The following RGS7 variants were observed in gnomAD, a reference collection of about 807,000 sequenced individuals.
RGS7 encodes regulator of G protein signaling 7, also known as regulator of G-protein signaling 7.
RGS7 carries 27 observed loss-of-function variants against 81.1 expected under a neutral mutation model. That is an observed-to-expected ratio of 0.33 (90% CI 0.25 to 0.46). The LOEUF is 0.46. RGS7 is among the 20% of genes least tolerant of loss of function. The pLI, the probability that RGS7 is intolerant of heterozygous loss-of-function variation, is 1.00. For synonymous variants in RGS7, 208 were observed against 207.7 expected (o/e 1.00, Z -0.01); for missense variants, 396 against 607.4 (o/e 0.65, Z 3.66).
At position 241,293,989 on chromosome 1, in the gene RGS7, T is replaced by C. The variant is rs555469126; in HGVS notation, c.78+61710A>G. On this transcript the variant is annotated intron_variant, in intron 2 of 18. Transcript: ENST00000440928. ...CATTCTACTATAAAGACACATGCAC[T>C]TGTATGTTTATTGCAGCACTATTTA... is the stretch of plus-strand genomic sequence containing the variant. Among the ~76,000 whole-genome samples the C allele has an allele frequency of 3.9e-5, 6 of 152,328 alleles. No homozygotes were observed. In the East Asian group the frequency reaches 1.2e-3, roughly 29 times the overall value.
At chr1:240,802,179 T>C (rs928114188) in intron 16 of RGS7, among the ~76,000 whole-genome samples, 6 of 152,176 alleles carry the variant, frequency 3.9e-5, no homozygotes, top group Non-Finnish European at 8.8e-5. Context: ...AAATTATAAT[T>C]TAAACTCAGA....
intron 3 of RGS7, among the ~76,000 whole-genome samples, chr1:241,064,318 G>A (rs528343231): frequency 8.6e-5 from 13 of 151,724 alleles, no homozygotes; most frequent in Admixed American, 2.6e-4. Context: ...GGGTGTGGCA[G>A]CTCCCATCGG....
rs1034623433 is a variant in RGS7 at position 241,195,653 on chromosome 1, AC to A, written c.79-96892del. Among the ~76,000 whole-genome samples the A allele has an allele frequency of 7.2e-4, 109 of 152,266 alleles. 1 individual carries two copies. Among genetic ancestry groups the A allele is most frequent in the African/African-American group, 2.3e-3 (96 of 41,584 alleles). On this transcript the variant is annotated intron_variant, in intron 2 of 18. Coordinates refer to ENST00000440928, the MANE Select transcript of RGS7 (RefSeq NM_001364886.1). The stretch of plus-strand genomic sequence containing the variant: ...ATAAGGCAATACAATTCAGTGAAGA[AC>A]AAAAAATTATAAAAACAAAGAAAAT...
intron 3 of RGS7, among the ~76,000 whole-genome samples, chr1:241,067,679 C>A (rs56105345): frequency 6.6e-6 from 1 of 151,940 alleles, no homozygotes; most frequent in Non-Finnish European, 1.5e-5. Flanking sequence ...GCCACCCCAG[C>A]TAATTTTTTA....
Position 240,775,793 on chromosome 1 carries a change from T to C in RGS7, c.*427A>G, listed in dbSNP as rs1682847463. The C allele has an allele frequency of 3.9e-6, 1 of 256,024 alleles. No homozygotes were observed. The highest frequency in any genetic ancestry group is 2.2e-5 in the African/African-American group (1 of 45,616). The allele number at this position is 256,024 out of a possible 1,614,324, so 15.9% of individuals were successfully genotyped here. On this transcript the variant is annotated 3_prime_UTR_variant, in exon 19 of 19. Transcript: ENST00000440928. ...ATGTATACTTATTGATATATACTTT[T>C]TTCTTTTACAGTTCTTCCAGTTTTT...
intron 4 of RGS7, among the ~76,000 whole-genome samples, chr1:240,954,819 A>C (rs1265275141): frequency 3.3e-5 from 5 of 152,206 alleles, no homozygotes; most frequent in Non-Finnish European, 5.9e-5. Flanking sequence ...CTTTGTTTGC[A>C]GATGATTATA....
At chr1:241,350,061 C>T (rs925371932) in intron 2 of RGS7, among the ~76,000 whole-genome samples, 1 of 152,146 alleles carries the variant, frequency 6.6e-6, no homozygotes, top group Non-Finnish European at 1.5e-5. Flanking sequence ...AAAATTCAGG[C>T]CACAAATCCT....
chr1:240,854,423 AATAT>A (rs1321761251), intron 9 of RGS7, among the ~76,000 whole-genome samples: 1 of 152,210 alleles, frequency 6.6e-6, no homozygotes, highest in Non-Finnish European at 1.5e-5. Flanking sequence ...AATTGGCTGG[AATAT>A]GATGCTCTCA....
In RGS7 at chr1:240,854,327, T is replaced by C. The variant is rs150127852; in HGVS notation, c.609+14260A>G. ...CCCCTCTTGGTCATCTATTCCCAGT[T>C]TGCTTAATGTCATACAAATCTGTAA... is the stretch of plus-strand genomic sequence containing the variant. On this transcript the variant is annotated intron_variant, in intron 9 of 18. Coordinates refer to ENST00000440928, the MANE Select transcript of RGS7 (RefSeq NM_001364886.1). Among the ~76,000 whole-genome samples, 722 of 152,348 alleles carry C rather than the reference T, an allele frequency of 4.7e-3. 2 individuals carry two copies. The highest frequency in any genetic ancestry group is 6.1e-3 in the Non-Finnish European group (417 of 68,024).
At chr1:240,845,961 G>A (rs895757643) in intron 9 of RGS7, among the ~76,000 whole-genome samples, 21 of 152,246 alleles carry the variant, frequency 1.4e-4, no homozygotes, top group Admixed American at 5.9e-4. Flanking sequence ...TTGGAGCCCC[G>A]TGGAAAAGAA....
intron 3 of RGS7, among the ~76,000 whole-genome samples, chr1:241,084,944 T>G (rs1336064440): frequency 1.3e-5 from 2 of 152,248 alleles, no homozygotes; most frequent in African/African-American, 4.8e-5. Flanking sequence ...GGAAGTTCCA[T>G]CTTCAAACAC....
At chr1:241,000,794 C>T (rs539456673) in intron 3 of RGS7, among the ~76,000 whole-genome samples, 28 of 147,704 alleles carry the variant, frequency 1.9e-4, no homozygotes, top group South Asian at 4.4e-4. Context: ...ATTACAGGTG[C>T]GTGCCACCAC....
intron 18 of RGS7, among the ~76,000 whole-genome samples, chr1:240,787,894 T>C (rs1424660566): frequency 6.6e-6 from 1 of 152,218 alleles, no homozygotes; most frequent in Non-Finnish European, 1.5e-5. Context: ...TGACATTACA[T>C]GTTGCTCTGG....
At chr1:241,209,187 C>T (rs571871997) in intron 2 of RGS7, among the ~76,000 whole-genome samples, 2 of 152,350 alleles carry the variant, frequency 1.3e-5, no homozygotes, top group South Asian at 4.1e-4. Flanking sequence ...GCACTGTCCA[C>T]TCTGCCACTT....
intron 2 of RGS7, among the ~76,000 whole-genome samples, chr1:241,305,396 G>A (rs1295562915): frequency 1.3e-5 from 2 of 152,106 alleles, no homozygotes; most frequent in Admixed American, 6.6e-5. Flanking sequence ...TTGCTAATAA[G>A]CATGTCAGCT....
rs538464842 is a variant in RGS7, at chr1:240,998,784, A to G, written c.176-15655T>C. ...CAGGTAGATGCAGGCGAGCTGGGAG[A>G]CGAAGGCCATGGCACGGGTGAGTGT... On this transcript the variant is annotated intron_variant, in intron 3 of 18. Transcript: ENST00000440928. 9 of 680,584 alleles carry G rather than the reference A, an allele frequency of 1.3e-5. No homozygotes were observed. In the East Asian group the frequency reaches 3.0e-4, roughly 23 times the overall value. 42.2% of individuals were successfully genotyped at this position (680,584 alleles called of 1,614,324 possible).
intron 3 of RGS7, among the ~76,000 whole-genome samples, chr1:241,010,346 A>G (rs193045994): frequency 8.8e-4 from 134 of 152,324 alleles, no homozygotes; most frequent in Non-Finnish European, 1.6e-3. Flanking sequence ...GAATTTCTCT[A>G]TGGATTGACG....
Position 241,251,493 on chromosome 1 carries a change from T to G in RGS7, c.78+104206A>C, listed in dbSNP as rs540365944. On this transcript the variant is annotated intron_variant, in intron 2 of 18. Coordinates refer to ENST00000440928, the MANE Select transcript of RGS7 (RefSeq NM_001364886.1). The stretch of plus-strand genomic sequence containing the variant: ...CAGTTAAGTGCTTTGGATTTTTTCT[T>G]TTTTCTTTTCTTTCTTTCTTTTCTT... Among the ~76,000 whole-genome samples, 2 of 151,956 alleles carry G rather than the reference T, an allele frequency of 1.3e-5. 1 individual carries two copies. Among genetic ancestry groups the G allele is most frequent in the Admixed American group, 1.3e-4 (2 of 15,164 alleles).
Position 241,330,421 on chromosome 1 carries a change from A to C in RGS7, c.78+25278T>G, listed in dbSNP as rs11801273. Reference sequence around the variant, plus strand: ...TAATAACATGTAATTAAGTAGATTTATGTATAAAGCCAGTGTGTGGGTTTA... The same window carrying C: ...TAATAACATGTAATTAAGTAGATTTCTGTATAAAGCCAGTGTGTGGGTTTA... On this transcript the variant is annotated intron_variant, in intron 2 of 18. Transcript: ENST00000440928. Among the ~76,000 whole-genome samples the C allele has an allele frequency of 5.4e-3, 830 of 152,350 alleles. 10 individuals carry two copies. The highest frequency in any genetic ancestry group is 0.019 in the African/African-American group (779 of 41,570).
Sources: gnomAD v4.1 joint callset for allele counts (sites outside exome capture counted in the v4.1 genomes callset) on GRCh38, gnomAD v4.1.1 for gene constraint, MANE v1.5 for transcripts, NCBI Gene and HGNC (gene_info 2026-07-23, HGNC 2026-07-21) for gene names.